The following LARGE1 variants were observed in gnomAD, a reference collection of about 807,000 sequenced individuals.
LARGE1 encodes xylosyl- and glucuronyltransferase LARGE1.
Under a neutral mutation model 87.6 loss-of-function variants are expected in LARGE1, and 43 were observed. That is an observed-to-expected ratio of 0.49 (90% CI 0.38 to 0.63). The LOEUF is 0.63. Among genes scored for constraint, LARGE1 ranks in the 30% least tolerant of loss-of-function variants. The probability of loss-of-function intolerance (pLI) is 0.00; values close to 1 mark genes in which losing one functional copy is unlikely to be tolerated. For synonymous variants in LARGE1, 434 were observed against 394.6 expected, an observed-to-expected ratio of 1.10 and a Z score of -1.18; for missense variants, 802 against 1,000.2, an observed-to-expected ratio of 0.80 and a Z score of 2.67.
chr22:33,784,989 G>GTATGTGTATA lies in LARGE1; in HGVS notation c.-82-23432_-82-23431insTATACACATA, dbSNP rs1569445578. On this transcript the variant is annotated intron_variant, in intron 1 of 14. Coordinates refer to ENST00000397394, the MANE Select transcript of LARGE1 (RefSeq NM_133642.5). Reference sequence around the variant, plus strand: ...TATACATGTGTATACATACATATGTGTACGTGTATATACATATATGTGTAT... The same window carrying GTATGTGTATA: ...TATACATGTGTATACATACATATGTGTATGTGTATATACGTGTATATACATATATGTGTAT... Among the ~76,000 whole-genome samples, 28 of 149,966 alleles carry GTATGTGTATA rather than the reference G, an allele frequency of 1.9e-4. 3 individuals are homozygous for GTATGTGTATA. The highest frequency in any genetic ancestry group is 3.0e-4 in the African/African-American group (12 of 40,640).
the LARGE1 span, among the ~76,000 whole-genome samples, chr22:33,103,219 G>A: frequency 1.3e-5 from 2 of 151,940 alleles, no homozygotes; most frequent in East Asian, 1.9e-4. Context: ...GGATCCCGAG[G>A]TCAGGAGATT....
intron 6 of LARGE1, among the ~76,000 whole-genome samples, chr22:33,468,369 A>C (rs1487503814): frequency 1.3e-5 from 2 of 152,166 alleles, no homozygotes; most frequent in Non-Finnish European, 2.9e-5. Context: ...TGGAAGACTG[A>C]GGCAGGAGGA....
At chr22:33,371,884 T>C (rs901878073) in intron 9 of LARGE1, among the ~76,000 whole-genome samples, 2 of 151,108 alleles carry the variant, frequency 1.3e-5, no homozygotes, top group South Asian at 4.2e-4. Context: ...CTCGGGAGGC[T>C]GGGGCAGGAG....
intron 2 of LARGE1, among the ~76,000 whole-genome samples, chr22:33,695,055 T>C (rs1019269311): frequency 6.6e-6 from 1 of 152,064 alleles, no homozygotes; most frequent in African/African-American, 2.4e-5. Context: ...AAATCACCCT[T>C]GTCCCATAAA....
chr22:33,346,100 C>A (rs116232143), intron 9 of LARGE1, among the ~76,000 whole-genome samples: 1,760 of 152,250 alleles, frequency 0.012, 45 homozygotes, highest in African/African-American at 0.04. Flanking sequence ...AGCTCTATAT[C>A]CAGGCTAAAA....
At chr22:33,525,040 T>C (rs2148530645) in intron 6 of LARGE1, among the ~76,000 whole-genome samples, 1 of 152,338 alleles carries the variant, frequency 6.6e-6, no homozygotes, top group South Asian at 2.1e-4. Context: ...GGTGTAAATG[T>C]TTAATCTTTT....
chr22:33,499,086 C>T (rs1336315228), intron 6 of LARGE1, among the ~76,000 whole-genome samples: 3 of 152,206 alleles, frequency 2.0e-5, no homozygotes, highest in South Asian at 2.1e-4. Context: ...TTTGGGATGA[C>T]AGACATCTGG....
At chr22:33,835,915 C>G (rs2063096849) in intron 1 of LARGE1, among the ~76,000 whole-genome samples, 1 of 152,210 alleles carries the variant, frequency 6.6e-6, no homozygotes, top group South Asian at 2.1e-4. Flanking sequence ...TCCTCTTCCT[C>G]CCAACTGTAT....
At chr22:33,128,588 T>C in the LARGE1 span, among the ~76,000 whole-genome samples, 1 of 150,390 alleles carries the variant, frequency 6.6e-6, no homozygotes, top group African/African-American at 2.4e-5. Flanking sequence ...GGCAGGAGAA[T>C]CTCTTGAACC....
rs1014214234 is a variant in LARGE1 at position 33,604,169 on chromosome 22, A to C, written c.615+266T>G. The stretch of plus-strand genomic sequence containing the variant: ...GACAGCTACCATAGACCACTTTCAG[A>C]TTATACACCAGGCCAATGCTCTCCA... On this transcript the variant is annotated intron_variant, in intron 5 of 14. Coordinates refer to ENST00000397394, the MANE Select transcript of LARGE1 (RefSeq NM_133642.5). 2.0e-5 allele frequency among the ~76,000 whole-genome samples: 3 copies of C among 152,198 alleles called. No individual in the cohort carries two copies. The East Asian group carries it at 5.8e-4, about 29-fold the overall frequency.
At chr22:33,563,600 G>A (rs538202884) in intron 6 of LARGE1, among the ~76,000 whole-genome samples, 42 of 152,238 alleles carry the variant, frequency 2.8e-4, no homozygotes, top group African/African-American at 1.0e-3. Flanking sequence ...GCCAAGACAC[G>A]GGCACTCTGA....
chr22:33,510,866 C>T lies in LARGE1; in HGVS notation c.787+53982G>A, dbSNP rs2071024083. Among the ~76,000 whole-genome samples, 3 of 152,208 alleles carry T rather than the reference C, an allele frequency of 2.0e-5. No individual in the cohort carries two copies. In the South Asian group the frequency reaches 6.2e-4, roughly 32 times the overall value. On this transcript the variant is annotated intron_variant, in intron 6 of 14. Coordinates refer to ENST00000397394, the MANE Select transcript of LARGE1 (RefSeq NM_133642.5). Reference sequence around the variant, plus strand: ...CCGCCCAAAGTGCTGGGATTACAGGCGTGAGCTACCACACCCAGCCTGGCT... The same window carrying T: ...CCGCCCAAAGTGCTGGGATTACAGGTGTGAGCTACCACACCCAGCCTGGCT...
chr22:33,439,392 C>T (rs144107590), intron 6 of LARGE1, among the ~76,000 whole-genome samples: 185 of 152,080 alleles, frequency 1.2e-3, no homozygotes, highest in African/African-American at 4.2e-3. Flanking sequence ...CTACATTACC[C>T]CTCACCCCAT....
In LARGE1 at chr22:33,500,049, CA is replaced by C. The variant is rs567286704; in HGVS notation, c.787+64798del. On this transcript the variant is annotated intron_variant, in intron 6 of 14. Transcript: ENST00000397394. ...TCGGCCTCCCAAAGTGCTGGGATTA[CA>C]AGGCGTGAGTCACCACGACTGGACT... is the stretch of plus-strand genomic sequence containing the variant. 3.5e-3 allele frequency among the ~76,000 whole-genome samples: 539 copies of C among 152,308 alleles called. 4 individuals are homozygous for C. Among genetic ancestry groups the C allele is most frequent in the South Asian group, 0.022 (108 of 4,826 alleles).
At chr22:33,522,760 G>A (rs915323198) in intron 6 of LARGE1, among the ~76,000 whole-genome samples, 4 of 151,918 alleles carry the variant, frequency 2.6e-5, no homozygotes, top group African/African-American at 9.7e-5. Flanking sequence ...GAACCCAAGA[G>A]GTGGAGGTTG....
At chr22:33,336,490 G>C (rs1393084216) in intron 10 of LARGE1, among the ~76,000 whole-genome samples, 2 of 151,936 alleles carry the variant, frequency 1.3e-5, no homozygotes, top group African/African-American at 2.4e-5. Flanking sequence ...GTGAGCCACC[G>C]CGCCTGGCCC....
At chr22:33,810,143 C>G (rs2146163373) in intron 1 of LARGE1, among the ~76,000 whole-genome samples, 1 of 152,274 alleles carries the variant, frequency 6.6e-6, no homozygotes. Flanking sequence ...AATTATAAAA[C>G]TTTTCAACCC....
In LARGE1 at chr22:33,890,827, A is replaced by G. The variant is rs531228008; in HGVS notation, c.-83+29168T>C. 3.2e-3 allele frequency among the ~76,000 whole-genome samples: 491 copies of G among 152,114 alleles called. 1 individual carries two copies. Among genetic ancestry groups the G allele is most frequent in the African/African-American group, 0.011 (449 of 41,452 alleles). ...GGGGGTGCTGCCTCAGTTTCCCTAA[A>G]GCAACAAGCATTAGGCAGGTGGAAA... is the stretch of plus-strand genomic sequence containing the variant. On this transcript the variant is annotated intron_variant, in intron 1 of 14. Coordinates refer to ENST00000397394, the MANE Select transcript of LARGE1 (RefSeq NM_133642.5).
At chr22:33,835,633 G>T (rs114441973) in intron 1 of LARGE1, among the ~76,000 whole-genome samples, 1,625 of 152,302 alleles carry the variant, frequency 0.011, 28 homozygotes, top group African/African-American at 0.036. Context: ...CGGCCTATTT[G>T]GAAAGTCGTT....
Sources: gnomAD v4.1 joint callset for allele counts (sites outside exome capture counted in the v4.1 genomes callset) on GRCh38, gnomAD v4.1.1 for gene constraint, MANE v1.5 for transcripts, NCBI Gene and HGNC (gene_info 2026-07-23, HGNC 2026-07-21) for gene names.